The following TAOK1 variants were observed in gnomAD, a reference collection of about 807,000 sequenced individuals.
The protein encoded by TAOK1 is serine/threonine-protein kinase TAO1.
In TAOK1, 21 loss-of-function variants were observed where a neutral mutation model predicts 138.3. The ratio of observed to expected loss-of-function variants is 0.15; its 90% CI spans 0.11 to 0.22. TAOK1 has a LOEUF of 0.22. TAOK1 is among the 10% of genes least tolerant of loss of function. The probability of loss-of-function intolerance (pLI) is 1.00; values close to 1 mark genes in which losing one functional copy is unlikely to be tolerated. For synonymous variants in TAOK1, 361 were observed against 398.4 expected (o/e 0.91, Z 1.12); for missense variants, 651 against 1,227.7 (o/e 0.53, Z 7.02).
At chr17:29,456,480 T>C (rs914542376) in intron 2 of TAOK1, among the ~76,000 whole-genome samples, 2 of 150,454 alleles carry the variant, frequency 1.3e-5, no homozygotes, top group Admixed American at 6.6e-5. Flanking sequence ...GATTTTCGAT[T>C]TTCTTGAGTT....
chr17:29,491,357 A>G (rs763274724), intron 9 of TAOK1, among the ~76,000 whole-genome samples: 33 of 152,178 alleles, frequency 2.2e-4, no homozygotes, highest in Admixed American at 5.2e-4. Context: ...TCCAGAGCAG[A>G]TAGAGTGATA....
At chr17:29,397,793 GTA>G (rs975255415) in intron 1 of TAOK1, among the ~76,000 whole-genome samples, 1 of 145,704 alleles carries the variant, frequency 6.9e-6, no homozygotes, top group Non-Finnish European at 1.5e-5. Context: ...GTGTATATAT[GTA>G]TATTCATGTA....
At chr17:29,536,065 T>TG in intron 19 of TAOK1, among the ~76,000 whole-genome samples, 1 of 137,304 alleles carries the variant, frequency 7.3e-6, no homozygotes, top group Non-Finnish European at 1.6e-5. Flanking sequence ...GGCCGAGGGT[T>TG]GGGGGAGCAG....
intron 8 of TAOK1, among the ~76,000 whole-genome samples, 168 bp downstream of exon 8, chr17:29,482,456 A>G (rs758314706): frequency 1.3e-5 from 2 of 152,188 alleles, no homozygotes; most frequent in Non-Finnish European, 2.9e-5. Context: ...TTTTATTTAT[A>G]TTAGGGTTAC....
At chr17:29,398,755 C>T (rs1904741592) in intron 1 of TAOK1, among the ~76,000 whole-genome samples, 1 of 152,106 alleles carries the variant, frequency 6.6e-6, no homozygotes, top group African/African-American at 2.4e-5. Flanking sequence ...TGGTCTTGAA[C>T]TCCTGACCTC....
At chr17:29,508,215 G>A (rs1202797244) in intron 14 of TAOK1, 83 bp downstream of exon 14, 23 of 1,227,240 alleles carry the variant, frequency 1.9e-5, no homozygotes, top group African/African-American at 7.5e-5. Flanking sequence ...TGATGTTAGC[G>A]TATCTGTTCC....
chr17:29,504,276 CAAA>C (rs71138826), intron 13 of TAOK1, among the ~76,000 whole-genome samples: 94 of 40,836 alleles, frequency 2.3e-3, no homozygotes, highest in South Asian at 1.2e-3. Flanking sequence ...GACCCTGTCT[CAAA>C]AAAAAAAAAA....
intron 14 of TAOK1, among the ~76,000 whole-genome samples, chr17:29,510,061 G>T (rs2031694143): frequency 6.6e-6 from 1 of 151,400 alleles, no homozygotes; most frequent in South Asian, 2.1e-4. Flanking sequence ...ATGTGTGTGT[G>T]TTTGAGACAT....
intron 8 of TAOK1, among the ~76,000 whole-genome samples, chr17:29,489,058 T>A (rs2031241167): frequency 6.6e-6 from 1 of 152,222 alleles, no homozygotes; most frequent in African/African-American, 2.4e-5. Context: ...AGTGTAGTCT[T>A]ATATCACTAT....
intron 12 of TAOK1, among the ~76,000 whole-genome samples, chr17:29,501,236 A>G (rs76993377): frequency 1.5e-4 from 22 of 150,360 alleles, no homozygotes; most frequent in Admixed American, 1.3e-3. Context: ...AAAAAAAAAA[A>G]AAAAAAGAAA....
At chr17:29,533,577 G>A (rs367945094) in intron 18 of TAOK1, among the ~76,000 whole-genome samples, 3 of 152,086 alleles carry the variant, frequency 2.0e-5, no homozygotes, top group South Asian at 2.1e-4. Flanking sequence ...ACGAGACTCC[G>A]TCTGCAATCC....
At chr17:29,415,546 G>T (rs1271766177) in intron 1 of TAOK1, among the ~76,000 whole-genome samples, 3 of 152,160 alleles carry the variant, frequency 2.0e-5, no homozygotes, top group African/African-American at 7.2e-5. Flanking sequence ...CCTTGAGTGT[G>T]AAATGGTACT....
chr17:29,431,510 CTTTAA>C (rs1224581225), intron 1 of TAOK1, among the ~76,000 whole-genome samples: 3 of 124,440 alleles, frequency 2.4e-5, no homozygotes, highest in Non-Finnish European at 4.8e-5. Context: ...GTGTGACACA[CTTTAA>C]TTTTATAGGC....
chr17:29,427,919 C>CT (rs1313492959), intron 1 of TAOK1, among the ~76,000 whole-genome samples: 6 of 100,982 alleles, frequency 5.9e-5, no homozygotes, highest in African/African-American at 1.9e-4. Context: ...GCGTGAGACT[C>CT]TGTCTCAAAA....
chr17:29,506,275 A>G (rs1036912129), intron 13 of TAOK1, among the ~76,000 whole-genome samples: 23 of 152,258 alleles, frequency 1.5e-4, no homozygotes, highest in African/African-American at 5.3e-4. Context: ...ATGGAATACC[A>G]TTCAGCCTTA....
rs1382564343 is a variant in TAOK1, at chr17:29,546,935, C to G, written c.*3913C>G. The G allele has an allele frequency of 6.6e-6, 1 of 152,082 alleles. No homozygotes were observed. Among genetic ancestry groups the G allele is most frequent in the Admixed American group, 6.6e-5 (1 of 15,262 alleles). The allele number at this position is 152,082 out of a possible 1,614,324, so 9.4% of individuals were successfully genotyped here. On this transcript the variant is annotated 3_prime_UTR_variant, in exon 20 of 20. Transcript: ENST00000261716. ...CTTTTCCTTTTTAATCCCCTCTTAG[C>G]ACTTCTGTGAGTGGAGAGGACATTA...
intron 1 of TAOK1, among the ~76,000 whole-genome samples, chr17:29,399,540 C>G (rs1904773486): frequency 6.6e-6 from 1 of 152,088 alleles, no homozygotes; most frequent in African/African-American, 2.4e-5. Context: ...TGGTCTTGAT[C>G]TCCTGACCTC....
intron 19 of TAOK1, 89 bp from the exon 20 acceptor site, chr17:29,542,471 AC>A: frequency 8.9e-7 from 1 of 1,125,584 alleles, no homozygotes; most frequent in Middle Eastern, 2.7e-4. Context: ...CCATAAAATA[AC>A]CACTTCAAAG....
intron 10 of TAOK1, among the ~76,000 whole-genome samples, chr17:29,494,201 C>G (rs903454200): frequency 1.3e-5 from 2 of 152,022 alleles, no homozygotes; most frequent in Non-Finnish European, 2.9e-5. Context: ...GCCACTGCGC[C>G]CAGCTAAAAT....
Sources: allele counts gnomAD v4.1 joint callset (sites outside exome capture counted in the v4.1 genomes callset), GRCh38; gene constraint gnomAD v4.1.1; transcripts MANE v1.5; gene names NCBI Gene and HGNC (gene_info 2026-07-23, HGNC 2026-07-21).